Variants in RYR2 observed in about 807,000 individuals in gnomAD.
The protein encoded by RYR2 is ryanodine receptor 2.
Under a neutral mutation model 601.1 loss-of-function variants are expected in RYR2, and 227 were observed. The ratio of observed to expected loss-of-function variants is 0.38; its 90% confidence interval spans 0.34 to 0.42. The LOEUF is 0.42. Ranked by LOEUF, RYR2 falls within the 10% of genes least tolerant of loss-of-function variation. The pLI, the probability that RYR2 is intolerant of heterozygous loss-of-function variation, is 1.00. For missense variants in RYR2, 4,646 were observed against 6,156.5 expected (o/e 0.75, Z 8.21); for synonymous variants, 2,223 against 2,175.1 (o/e 1.02, Z -0.61).
intron 1 of RYR2, among the ~76,000 whole-genome samples, chr1:237,113,014 T>A (rs1405682857): frequency 6.6e-6 from 1 of 152,072 alleles, no homozygotes; most frequent in Non-Finnish European, 1.5e-5. Flanking sequence ...ACCAGCAGTG[T>A]GCTCCTTCTC....
intron 1 of RYR2, among the ~76,000 whole-genome samples, chr1:237,242,232 T>C (rs1306900402): frequency 6.7e-6 from 1 of 148,320 alleles, no homozygotes; most frequent in Non-Finnish European, 1.5e-5. Context: ...GTTTGCCAGG[T>C]TTGGGGCAAT....
chr1:237,641,388 C>T (rs960784052), intron 47 of RYR2, among the ~76,000 whole-genome samples: 13 of 152,070 alleles, frequency 8.5e-5, no homozygotes, highest in Admixed American at 2.6e-4. Flanking sequence ...ATGTGTTTGC[C>T]ATCGTTTTAG....
At chr1:237,566,876 C>T (rs1017182294) in intron 28 of RYR2, 101 bp downstream of exon 28, 9 of 1,153,180 alleles carry the variant, frequency 7.8e-6, no homozygotes, top group Non-Finnish European at 1.2e-5. Flanking sequence ...TTTCCCACAG[C>T]ACAAACGTGG....
intron 1 of RYR2, among the ~76,000 whole-genome samples, chr1:237,051,791 TGGAGC>T (rs1661315141): frequency 1.3e-5 from 2 of 152,176 alleles, no homozygotes; most frequent in Admixed American, 1.3e-4. Flanking sequence ...ACACAGGCAG[TGGAGC>T]GACAGTTTCA....
At chr1:237,165,827 C>T (rs1288986015) in intron 1 of RYR2, among the ~76,000 whole-genome samples, 3 of 151,874 alleles carry the variant, frequency 2.0e-5, no homozygotes, top group Non-Finnish European at 4.4e-5. Context: ...ATAGTGAGAC[C>T]TCATCTCTCA....
chr1:237,815,643 G>T (rs748524495), intron 100 of RYR2, among the ~76,000 whole-genome samples: 1 of 152,162 alleles, frequency 6.6e-6, no homozygotes. Context: ...GTGAGGAAGG[G>T]TATTTCCAGG....
intron 17 of RYR2, among the ~76,000 whole-genome samples, chr1:237,486,274 A>T (rs914835356): frequency 9.2e-5 from 14 of 152,288 alleles, no homozygotes; most frequent in African/African-American, 3.4e-4. Flanking sequence ...AGGAGATGAT[A>T]TTTGAAATCA....
chr1:237,815,048 A>G (rs1015153521), intron 100 of RYR2, among the ~76,000 whole-genome samples: 2 of 149,356 alleles, frequency 1.3e-5, no homozygotes, highest in Non-Finnish European at 3.0e-5. Flanking sequence ...CCTAAAGCCA[A>G]TAGAAACTAT....
intron 1 of RYR2, among the ~76,000 whole-genome samples, chr1:237,217,877 C>T (rs979399139): frequency 2.0e-5 from 3 of 152,076 alleles, no homozygotes; most frequent in Non-Finnish European, 4.4e-5. Context: ...TTGTTTTGCT[C>T]GAAGGGCTTA....
intron 78 of RYR2, 26 bp downstream of exon 78, chr1:237,732,175 A>ACAT (rs1690748445): frequency 5.1e-6 from 7 of 1,367,502 alleles, no homozygotes; most frequent in Non-Finnish European, 7.2e-6. Flanking sequence ...TTCCTATGAG[A>ACAT]CATAGGAGGA....
In RYR2 at chr1:237,445,283, G is replaced by A. The variant is rs925066160; in HGVS notation, c.1171-118G>A. On this transcript the variant is annotated intron_variant, in intron 13 of 104. Coordinates refer to ENST00000366574, the MANE Select transcript of RYR2 (RefSeq NM_001035.3). ...GAACGTAACAGCTTCACAGTCCCCTGTACCTGCCTTTTGATTCTATCTGTT... is the reference window on the plus strand; with the variant it reads ...GAACGTAACAGCTTCACAGTCCCCTATACCTGCCTTTTGATTCTATCTGTT... 17 of 1,284,786 alleles carry A rather than the reference G, an allele frequency of 1.3e-5. No individual in the cohort carries two copies. In the Admixed American group the frequency reaches 3.2e-4, roughly 24 times the overall value. The allele number at this position is 1,284,786 out of a possible 1,614,324, so 79.6% of individuals were successfully genotyped here. A position where few individuals can be genotyped will look rare whatever the true frequency, so the allele number is the denominator to read the frequency against.
At chr1:237,125,704 A>G (rs1671333251) in intron 1 of RYR2, among the ~76,000 whole-genome samples, 1 of 152,254 alleles carries the variant, frequency 6.6e-6, no homozygotes, top group Non-Finnish European at 1.5e-5. Flanking sequence ...AGTTCTTTGT[A>G]AAAAACAAAC....
chr1:237,466,058 A>G (rs983941128), intron 16 of RYR2, among the ~76,000 whole-genome samples: 3 of 152,158 alleles, frequency 2.0e-5, no homozygotes, highest in Admixed American at 6.5e-5. Flanking sequence ...CTTCTATTGC[A>G]TCAGTTTTAG....
At chr1:237,380,404 A>C (rs1701397067) in intron 8 of RYR2, among the ~76,000 whole-genome samples, 1 of 35,618 alleles carries the variant, frequency 2.8e-5, no homozygotes, top group Admixed American at 3.4e-4. Flanking sequence ...ATATATATAT[A>C]TATATATATA....
intron 2 of RYR2, among the ~76,000 whole-genome samples, chr1:237,329,047 C>T (rs759066991): frequency 8.5e-5 from 13 of 152,124 alleles, no homozygotes; most frequent in South Asian, 2.1e-4. Context: ...TAATAACTTA[C>T]GGTTCTAACT....
At chr1:237,662,397 G>C (rs1683889894) in intron 56 of RYR2, among the ~76,000 whole-genome samples, 1 of 151,746 alleles carries the variant, frequency 6.6e-6, no homozygotes, top group African/African-American at 2.4e-5. Context: ...AATAGTGTTA[G>C]ATAAGGTCAA....
rs1060500160 is a variant in RYR2, at chr1:237,783,698, G to A, written c.11986G>A (p.Gly3996Ser). 1 of 1,605,604 alleles carries A rather than the reference G, an allele frequency of 6.2e-7. No individual in the cohort carries two copies. The highest frequency in any genetic ancestry group is 8.5e-7 in the Non-Finnish European group (1 of 1,174,012). ...AGGTAATGTTGTTAATGGAACGATT[G>A]GCAAACAGATGGTGGATATGCTTGT... ...LEGNVVNGTI[G>S]KQMVDMLVES... Residue 3996 changes from glycine (G) to serine (S), a missense_variant, in exon 90 of 105, where the codon GGC (glycine) becomes AGC (serine). By Grantham distance (56) the Gly-to-Ser change is moderately conservative. Transcript: ENST00000366574.
rs1246785557 is a variant in RYR2, at chr1:237,145,226, AAAAAAAAG to A, written c.48+102671_48+102678del. 1.2e-4 allele frequency among the ~76,000 whole-genome samples: 18 copies of A among 152,286 alleles called. No individual in the cohort carries two copies. The South Asian group carries it at 3.3e-3, about 28-fold the overall frequency. On this transcript the variant is annotated intron_variant, in intron 1 of 104. Coordinates refer to ENST00000366574, the MANE Select transcript of RYR2 (RefSeq NM_001035.3). ...CCAGAACTTAAAGTATAATAATAAA[AAAAAAAAG>A]AAAAAAAGAAAAAGGTGCACTGTGG...
intron 49 of RYR2, 93 bp downstream of exon 49, chr1:237,648,706 A>G: frequency 1.5e-6 from 2 of 1,337,672 alleles, no homozygotes; most frequent in Non-Finnish European, 1.0e-6. Flanking sequence ...TAATTTATTG[A>G]CAATGAATGT....
Sources: allele counts gnomAD v4.1 joint callset (sites outside exome capture counted in the v4.1 genomes callset), GRCh38; gene constraint gnomAD v4.1.1; transcripts MANE v1.5; gene names NCBI Gene and HGNC (gene_info 2026-07-23, HGNC 2026-07-21).